The following ARID5B variants were observed in gnomAD, a reference collection of about 807,000 sequenced individuals.
ARID5B encodes AT-rich interaction domain 5B.
Under a neutral mutation model 97.2 loss-of-function variants are expected in ARID5B, and 13 were observed. The ratio of observed to expected loss-of-function variants is 0.13; its 90% CI spans 0.09 to 0.21. ARID5B has a LOEUF of 0.21. ARID5B is among the 10% of genes least tolerant of loss of function. The probability of loss-of-function intolerance (pLI) is 1.00; values close to 1 mark genes in which losing one functional copy is unlikely to be tolerated. For synonymous variants in ARID5B, 556 were observed against 570.3 expected, an observed-to-expected ratio of 0.97 and a Z score of 0.36; for missense variants, 1,210 against 1,465.3, an observed-to-expected ratio of 0.83 and a Z score of 2.84.
At chr10:61,928,324 G>A (rs1426584061) in intron 2 of ARID5B, among the ~76,000 whole-genome samples, 1 of 152,056 alleles carries the variant, frequency 6.6e-6, no homozygotes, top group African/African-American at 2.4e-5. Flanking sequence ...TATTGAGACA[G>A]GGTCTCAACT....
At position 62,051,005 on chromosome 10, in the gene ARID5B, G is replaced by A. The variant is rs576995601; in HGVS notation, c.846+5G>A. ...GATGGCAAAGCCGTTGCCAAGGTAC[G>A]GTCATTCACTCCACGGTATTCATTT... On this transcript the variant is annotated splice_donor_5th_base_variant and intron_variant, in intron 5 of 9. Coordinates refer to ENST00000279873, the MANE Select transcript of ARID5B (RefSeq NM_032199.3). The A allele has an allele frequency of 1.7e-5, 28 of 1,603,888 alleles. No individual in the cohort carries two copies. The highest frequency in any genetic ancestry group is 2.2e-5 in the South Asian group (2 of 90,892).
chr10:61,947,168 C>A (rs1211625204), intron 3 of ARID5B, among the ~76,000 whole-genome samples: 1 of 151,958 alleles, frequency 6.6e-6, no homozygotes, highest in Non-Finnish European at 1.5e-5. Flanking sequence ...AATGTGACAA[C>A]CCAAAGGACT....
intron 8 of ARID5B, among the ~76,000 whole-genome samples, chr10:62,083,657 G>C (rs749951192): frequency 4.6e-5 from 7 of 152,224 alleles, no homozygotes; most frequent in Non-Finnish European, 1.0e-4. Flanking sequence ...AGTGTTCCTT[G>C]AGTTCCCATG....
At chr10:61,951,113 TGTTTAAGTCTGTA>T (rs1228016274) in intron 3 of ARID5B, among the ~76,000 whole-genome samples, 2 of 152,230 alleles carry the variant, frequency 1.3e-5, no homozygotes, top group Non-Finnish European at 2.9e-5. Context: ...TAACATTATG[TGTTTAAGTCTGTA>T]GTTTATGCAG....
chr10:62,069,446 G>A (rs73276046), intron 7 of ARID5B, among the ~76,000 whole-genome samples: 24,059 of 152,188 alleles, frequency 0.16, 2,387 homozygotes, highest in African/African-American at 0.27. Context: ...ATCCAGGGAG[G>A]TGTCTTAAAT....
chr10:62,090,331 G>T (rs1458107246), intron 9 of ARID5B, among the ~76,000 whole-genome samples: 1 of 152,138 alleles, frequency 6.6e-6, no homozygotes, highest in African/African-American at 2.4e-5. Flanking sequence ...CTTATGCATT[G>T]CTAATCTTCA....
At chr10:61,948,338 C>T (rs1449963886) in intron 3 of ARID5B, among the ~76,000 whole-genome samples, 2 of 150,868 alleles carry the variant, frequency 1.3e-5, no homozygotes, top group South Asian at 2.1e-4. Context: ...TTTCAGAATC[C>T]CTCACCATCA....
intron 2 of ARID5B, among the ~76,000 whole-genome samples, chr10:61,920,117 AT>A (rs948426418): frequency 4.0e-5 from 6 of 151,488 alleles, no homozygotes; most frequent in African/African-American, 9.7e-5. Flanking sequence ...AGTTGTCTTA[AT>A]TTTTTTTTCT....
At chr10:61,998,480 T>TGTTG (rs1283919970) in intron 3 of ARID5B, among the ~76,000 whole-genome samples, 5 of 152,214 alleles carry the variant, frequency 3.3e-5, no homozygotes, top group African/African-American at 7.2e-5. Flanking sequence ...TTCAGCTTGA[T>TGTTG]GTTGTACAGG....
At chr10:62,047,246 G>A (rs1839721974) in intron 4 of ARID5B, among the ~76,000 whole-genome samples, 1 of 152,132 alleles carries the variant, frequency 6.6e-6, no homozygotes, top group South Asian at 2.1e-4. Context: ...TGTATGCAAA[G>A]CACTCAGAAG....
At chr10:62,077,950 T>C (rs1564645632) in intron 8 of ARID5B, among the ~76,000 whole-genome samples, 1 of 152,222 alleles carries the variant, frequency 6.6e-6, no homozygotes, top group African/African-American at 2.4e-5. Flanking sequence ...AAGAATGTAA[T>C]TGTTTACCAT....
intron 3 of ARID5B, among the ~76,000 whole-genome samples, chr10:61,967,120 T>C (rs1468564940): frequency 3.3e-5 from 5 of 152,172 alleles, no homozygotes; most frequent in Non-Finnish European, 5.9e-5. Flanking sequence ...TTTAAGAGCA[T>C]TTTGCTCTTC....
chr10:62,051,911 G>A (rs1003482264), intron 5 of ARID5B, among the ~76,000 whole-genome samples: 2 of 151,968 alleles, frequency 1.3e-5, no homozygotes, highest in Non-Finnish European at 2.9e-5. Flanking sequence ...GAATTTGGAA[G>A]AGTCTGATGT....
At chr10:62,082,533 C>T (rs186599953) in intron 8 of ARID5B, among the ~76,000 whole-genome samples, 2 of 152,142 alleles carry the variant, frequency 1.3e-5, no homozygotes, top group Non-Finnish European at 2.9e-5. Flanking sequence ...CTGATAAAAT[C>T]TTTGCTGTGC....
chr10:62,046,164 T>C (rs2132924845), intron 4 of ARID5B, among the ~76,000 whole-genome samples: 1 of 152,322 alleles, frequency 6.6e-6, no homozygotes, highest in East Asian at 1.9e-4. Context: ...GCAGTTTATC[T>C]ATCTTCGTGG....
intron 4 of ARID5B, among the ~76,000 whole-genome samples, chr10:62,009,430 G>C (rs897847595): frequency 6.6e-6 from 1 of 152,156 alleles, no homozygotes; most frequent in African/African-American, 2.4e-5. Flanking sequence ...GAAAAATCAA[G>C]TTGTCTGAGA....
chr10:62,029,392 C>T (rs1354117076), intron 4 of ARID5B, among the ~76,000 whole-genome samples: 1 of 152,150 alleles, frequency 6.6e-6, no homozygotes, highest in Non-Finnish European at 1.5e-5. Context: ...AGCAATTATG[C>T]TCAGTATTTT....
intron 2 of ARID5B, among the ~76,000 whole-genome samples, chr10:61,934,577 G>A (rs76255413): frequency 0.022 from 3,290 of 152,286 alleles, 154 homozygotes; most frequent in African/African-American, 0.075. Context: ...TTATGGAATA[G>A]GTAGGCAGGA....
intron 3 of ARID5B, among the ~76,000 whole-genome samples, chr10:61,948,816 C>CGG (rs1403447629): frequency 6.6e-6 from 1 of 152,192 alleles, no homozygotes; most frequent in Non-Finnish European, 1.5e-5. Flanking sequence ...GCTTGGCATC[C>CGG]TCCAGATACA....
Sources: gnomAD v4.1 joint callset for allele counts (sites outside exome capture counted in the v4.1 genomes callset) on GRCh38, gnomAD v4.1.1 for gene constraint, MANE v1.5 for transcripts, NCBI Gene and HGNC (gene_info 2026-07-23, HGNC 2026-07-21) for gene names.